Variants in PPM1E observed in about 807,000 individuals in gnomAD.
PPM1E encodes protein phosphatase 1E.
PPM1E carries 20 observed loss-of-function variants against 65.9 expected under a neutral mutation model. The ratio of observed to expected loss-of-function variants is 0.30; its 90% CI spans 0.21 to 0.44. The LOEUF is 0.44. Ranked by LOEUF, PPM1E falls within the 20% of genes least tolerant of loss-of-function variation. The pLI, the probability that PPM1E is intolerant of heterozygous loss-of-function variation, is 1.00. For missense variants in PPM1E, 713 were observed against 953.1 expected (o/e 0.75, Z 3.32); for synonymous variants, 352 against 374.9 (o/e 0.94, Z 0.70).
chr17:58,784,561 T>A (rs2050080771), intron 1 of PPM1E, among the ~76,000 whole-genome samples: 1 of 149,960 alleles, frequency 6.7e-6, no homozygotes, highest in African/African-American at 2.5e-5. Context: ...AGTCTCACTC[T>A]GTCGCCAGGC....
intron 1 of PPM1E, among the ~76,000 whole-genome samples, chr17:58,863,845 A>G (rs2050970411): frequency 6.6e-6 from 1 of 152,092 alleles, no homozygotes; most frequent in Non-Finnish European, 1.5e-5. Context: ...TCTGATGTTC[A>G]GCTACTTCTT....
intron 1 of PPM1E, among the ~76,000 whole-genome samples, chr17:58,806,825 G>C (rs2050320123): frequency 6.6e-6 from 1 of 150,874 alleles, no homozygotes; most frequent in African/African-American, 2.4e-5. Context: ...TCAGCCTCCA[G>C]AGTAGCTGGG....
At chr17:58,785,834 C>T (rs2050095505) in intron 1 of PPM1E, among the ~76,000 whole-genome samples, 1 of 151,916 alleles carries the variant, frequency 6.6e-6, no homozygotes, top group Admixed American at 6.6e-5. Context: ...CTTAACTGAG[C>T]ACTTATCACA....
chr17:58,798,489 C>T (rs529027540), intron 1 of PPM1E, among the ~76,000 whole-genome samples: 49 of 148,138 alleles, frequency 3.3e-4, no homozygotes, highest in Admixed American at 9.4e-4. Flanking sequence ...TCCCAAAGTG[C>T]TGGGATTACA....
rs1018743297 is a variant in PPM1E at position 58,756,323 on chromosome 17, C to T, written c.326C>T (p.Pro109Leu). 2 of 1,471,264 alleles carry T rather than the reference C, an allele frequency of 1.4e-6. No individual in the cohort carries two copies. Among genetic ancestry groups the T allele is most frequent in the Non-Finnish European group, 1.8e-6 (2 of 1,114,102 alleles). 91.1% of individuals were successfully genotyped at this position (1,471,264 alleles called of 1,614,324 possible). A position where few individuals can be genotyped will look rare whatever the true frequency, so the allele number is the denominator to read the frequency against. Reference sequence around the variant, plus strand: ...GGCGCGGCGACGGCGGCGGCAGCCCCGGGGCACTCGGCCGTGCCGCCGCCG... The same window carrying T: ...GGCGCGGCGACGGCGGCGGCAGCCCTGGGGCACTCGGCCGTGCCGCCGCCG... ...EEGAATAAAA[P>L]GHSAVPPPPP... The change falls in exon 1 of 7, where the codon CCG becomes CTG. Residue 109 changes from proline (P) to leucine (L), a missense_variant. Pro to Leu is a moderately conservative substitution (Grantham distance 98, BLOSUM62 -3). Coordinates refer to ENST00000308249, the MANE Select transcript of PPM1E (RefSeq NM_014906.5).
chr17:58,969,502 C>A (rs1040570193), intron 3 of PPM1E, 37 bp from the exon 4 acceptor site: 3 of 1,604,374 alleles, frequency 1.9e-6, no homozygotes, highest in South Asian at 1.1e-5. Flanking sequence ...TCATGCTATA[C>A]CCAACTCCCA....
intron 1 of PPM1E, among the ~76,000 whole-genome samples, chr17:58,955,279 C>T (rs1414289199): frequency 1.3e-5 from 2 of 151,994 alleles, no homozygotes; most frequent in Admixed American, 6.5e-5. Flanking sequence ...GCAGGAGAAT[C>T]GCTTGAACCC....
chr17:58,808,746 A>T (rs1163097543), intron 1 of PPM1E, among the ~76,000 whole-genome samples: 1 of 152,180 alleles, frequency 6.6e-6, no homozygotes, highest in Non-Finnish European at 1.5e-5. Flanking sequence ...TAATTTTAGA[A>T]CATTTCTGTC....
rs962982261 is a variant in PPM1E, at chr17:58,755,902, C to G, written c.-96C>G. Reference sequence around the variant, plus strand: ...TCGCTCGTGCCGGTGCGGCCGTTAACCGCCCTTGCCGGAGCCCTAGGCTCA... The same window carrying G: ...TCGCTCGTGCCGGTGCGGCCGTTAAGCGCCCTTGCCGGAGCCCTAGGCTCA... On this transcript the variant is annotated 5_prime_UTR_variant, in exon 1 of 7. Coordinates refer to ENST00000308249, the MANE Select transcript of PPM1E (RefSeq NM_014906.5). 1.3e-6 allele frequency: 2 copies of G among 1,547,946 alleles called. No individual in the cohort carries two copies. Among genetic ancestry groups the G allele is most frequent in the South Asian group, 1.3e-5 (1 of 79,976 alleles).
At chr17:58,977,393 A>T (rs1480735618) in intron 6 of PPM1E, among the ~76,000 whole-genome samples, 2 of 151,346 alleles carry the variant, frequency 1.3e-5, no homozygotes, top group Non-Finnish European at 2.9e-5. Context: ...CAATGAGCTG[A>T]GATCACACCA....
intron 1 of PPM1E, among the ~76,000 whole-genome samples, chr17:58,800,905 G>GT (rs769309599): frequency 2.2e-4 from 34 of 151,964 alleles, no homozygotes; most frequent in Admixed American, 5.9e-4. Flanking sequence ...AATTTTTTCT[G>GT]TTTTTTGCCT....
intron 1 of PPM1E, among the ~76,000 whole-genome samples, chr17:58,844,328 G>C (rs904747378): frequency 1.3e-5 from 2 of 151,990 alleles, no homozygotes; most frequent in Non-Finnish European, 2.9e-5. Flanking sequence ...TTTCAAATGG[G>C]TATGAAAGTG....
intron 1 of PPM1E, among the ~76,000 whole-genome samples, chr17:58,910,973 C>T (rs1211743011): frequency 6.6e-6 from 1 of 152,128 alleles, no homozygotes; most frequent in African/African-American, 2.4e-5. Flanking sequence ...ACTGTGATGA[C>T]CTGGTAGAGC....
At chr17:58,876,984 C>T (rs542626363) in intron 1 of PPM1E, among the ~76,000 whole-genome samples, 127 of 152,242 alleles carry the variant, frequency 8.3e-4, no homozygotes, top group Middle Eastern at 3.4e-3. Flanking sequence ...AAGGTTTCAC[C>T]GTGTTAGCCA....
intron 1 of PPM1E, among the ~76,000 whole-genome samples, chr17:58,879,941 A>G (rs1344536305): frequency 1.3e-5 from 2 of 152,132 alleles, no homozygotes; most frequent in African/African-American, 4.8e-5. Context: ...AATTAAATTG[A>G]CATAAGACAT....
rs114681892 is a variant in PPM1E at position 58,964,552 on chromosome 17, C to A, written c.584-1142C>A. 3.4e-3 allele frequency among the ~76,000 whole-genome samples: 521 copies of A among 152,062 alleles called. 6 individuals are homozygous for A. The highest frequency in any genetic ancestry group is 0.012 in the African/African-American group (511 of 41,486). Reference sequence around the variant, plus strand: ...GGTGAAGTGGTAGACATAGGTGAAGCGGTAGGTTTAGGGTCAAGAGACCTG... The same window carrying A: ...GGTGAAGTGGTAGACATAGGTGAAGAGGTAGGTTTAGGGTCAAGAGACCTG... On this transcript the variant is annotated intron_variant, in intron 2 of 6. Coordinates refer to ENST00000308249, the MANE Select transcript of PPM1E (RefSeq NM_014906.5).
intron 1 of PPM1E, among the ~76,000 whole-genome samples, chr17:58,771,075 T>C (rs1470101169): frequency 1.3e-5 from 2 of 151,984 alleles, no homozygotes; most frequent in Non-Finnish European, 2.9e-5. Context: ...CAGGATAGTC[T>C]TTATCTCTTG....
Position 58,816,770 on chromosome 17 carries a change from ATATATATATATATATATATATATATT to A in PPM1E, c.464+60311_464+60336del, listed in dbSNP as rs1386389258. Among the ~76,000 whole-genome samples the A allele has an allele frequency of 9.6e-3, 229 of 23,786 alleles. 8 individuals are homozygous for A. Among genetic ancestry groups the A allele is most frequent in the African/African-American group, 0.013 (65 of 4,880 alleles). 15.6% of individuals were successfully genotyped at this position (23,786 alleles called of 152,430 possible). A position where few individuals can be genotyped will look rare whatever the true frequency, so the allele number is the denominator to read the frequency against. ...TATATATATATATATATATATATAT[ATATATATATATATATATATATATATT>A]TTTTTTTTTTTTTTTTTGAGACAGG... On this transcript the variant is annotated intron_variant, in intron 1 of 6. Coordinates refer to ENST00000308249, the MANE Select transcript of PPM1E (RefSeq NM_014906.5).
intron 1 of PPM1E, among the ~76,000 whole-genome samples, chr17:58,881,270 T>C (rs1274121232): frequency 6.6e-6 from 1 of 152,224 alleles, no homozygotes; most frequent in Non-Finnish European, 1.5e-5. Flanking sequence ...GGCTCATCCC[T>C]GTAATCGCAG....
Sources: allele counts gnomAD v4.1 joint callset (sites outside exome capture counted in the v4.1 genomes callset), GRCh38; gene constraint gnomAD v4.1.1; transcripts MANE v1.5; gene names NCBI Gene and HGNC (gene_info 2026-07-23, HGNC 2026-07-21).